Variants in LAMA2 observed in about 807,000 individuals in gnomAD.
LAMA2 encodes the protein laminin subunit alpha 2.
A neutral mutation model predicts 364.8 loss-of-function variants in LAMA2; 269 were observed. That is an observed-to-expected ratio of 0.74 (90% CI 0.67 to 0.82). The LOEUF (loss-of-function observed/expected upper bound fraction) is 0.82. LAMA2 is among the 40% of genes least tolerant of loss of function. The probability of loss-of-function intolerance (pLI) is 0.00; values close to 1 mark genes in which losing one functional copy is unlikely to be tolerated. For synonymous variants in LAMA2, 1,379 were observed against 1,370.6 expected (o/e 1.01, Z -0.14); for missense variants, 3,807 against 3,873.2 (o/e 0.98, Z 0.45).
chr6:129,330,549 G>T (rs943953657), intron 29 of LAMA2, among the ~76,000 whole-genome samples: 1 of 148,078 alleles, frequency 6.8e-6, no homozygotes, highest in Non-Finnish European at 1.5e-5. Context: ...AGTTTCTTGT[G>T]CCTCTCTGGT....
rs1778282859 is a variant in LAMA2, at chr6:129,144,047, C to T, written c.786C>T (p.Asp262=). 6.2e-7 allele frequency: 1 copy of T among 1,612,458 alleles called. No homozygotes were observed. The highest frequency in any genetic ancestry group is 1.1e-5 in the South Asian group (1 of 91,040). The part of the protein sequence containing the change: ...NADLMMFAHK[D]PREIDPIVTR... Reference sequence around the variant, plus strand: ...ACTTGATGATGTTTGCTCACAAAGACCCAAGAGAAATTGACCCCATTGTCA... The same window carrying T: ...ACTTGATGATGTTTGCTCACAAAGATCCAAGAGAAATTGACCCCATTGTCA... Residue 262 remains aspartate, a synonymous_variant, in exon 5 of 65, where the codon GAC becomes GAT. Transcript: ENST00000421865.
chr6:129,127,388 C>T (rs370311720), intron 4 of LAMA2, among the ~76,000 whole-genome samples: 1 of 152,142 alleles, frequency 6.6e-6, no homozygotes, highest in Non-Finnish European at 1.5e-5. Context: ...AGTATTTCAT[C>T]GTGTATGTGT....
At chr6:129,504,114 A>T (rs1395806169) in intron 60 of LAMA2, among the ~76,000 whole-genome samples, 1 of 152,250 alleles carries the variant, frequency 6.6e-6, no homozygotes. Flanking sequence ...TAATGTTAAC[A>T]TACTTTGACT....
intron 27 of LAMA2, 34 bp from the exon 28 acceptor site, chr6:129,320,504 C>A: frequency 8.2e-7 from 1 of 1,216,678 alleles, no homozygotes; most frequent in Non-Finnish European, 1.2e-6. Flanking sequence ...AACTGACTGT[C>A]ATAGTAATCT....
chr6:129,142,752 T>C (rs1562272427), intron 4 of LAMA2, among the ~76,000 whole-genome samples: 2 of 152,022 alleles, frequency 1.3e-5, no homozygotes, highest in African/African-American at 4.8e-5. Context: ...TCTACTCTCT[T>C]AGTCTAACCA....
At chr6:129,446,724 T>C (rs1782406740) in intron 45 of LAMA2, among the ~76,000 whole-genome samples, 1 of 152,076 alleles carries the variant, frequency 6.6e-6, no homozygotes, top group African/African-American at 2.4e-5. Flanking sequence ...AAAAGCCCTT[T>C]CTTAGTTCAT....
At chr6:129,192,971 A>G (rs1281532974) in intron 12 of LAMA2, 118 bp downstream of exon 12, 3 of 1,072,406 alleles carry the variant, frequency 2.8e-6, no homozygotes, top group African/African-American at 1.6e-5. Context: ...TTGGATTGCC[A>G]GAACCAGCTA....
At position 129,440,372 on chromosome 6, in the gene LAMA2, A is replaced by T. The variant is rs537994472; in HGVS notation, c.6086-444A>T. On this transcript the variant is annotated intron_variant, in intron 42 of 64. Transcript: ENST00000421865. ...CAATGCTGAAAACAAGTATAAATGC[A>T]TGGCCTAACATACCTGAAAATGTTT... Among the ~76,000 whole-genome samples the T allele has an allele frequency of 3.3e-5, 5 of 152,260 alleles. No homozygotes were observed. In the East Asian group the frequency reaches 9.7e-4, roughly 29 times the overall value.
chr6:128,932,471 C>A (rs997328478), intron 1 of LAMA2, among the ~76,000 whole-genome samples: 7 of 152,094 alleles, frequency 4.6e-5, no homozygotes, highest in African/African-American at 1.7e-4. Context: ...CAAGACAAGA[C>A]TTACATATAT....
intron 28 of LAMA2, among the ~76,000 whole-genome samples, chr6:129,327,089 A>G (rs1775349159): frequency 6.6e-6 from 1 of 152,080 alleles, no homozygotes; most frequent in Non-Finnish European, 1.5e-5. Context: ...TACTATTCTC[A>G]GTTTTATCAG....
intron 1 of LAMA2, among the ~76,000 whole-genome samples, chr6:128,986,182 A>G (rs1284518506): frequency 6.6e-6 from 1 of 152,104 alleles, no homozygotes; most frequent in Non-Finnish European, 1.5e-5. Flanking sequence ...TTTGGTTGGT[A>G]AGAGTGTCTT....
chr6:129,206,889 C>T (rs1274329664), intron 12 of LAMA2, among the ~76,000 whole-genome samples: 3 of 152,186 alleles, frequency 2.0e-5, no homozygotes, highest in Admixed American at 6.5e-5. Flanking sequence ...GTGCTTATCT[C>T]CTTGAGGCAC....
intron 3 of LAMA2, among the ~76,000 whole-genome samples, chr6:129,078,020 C>T (rs772868379): frequency 1.3e-5 from 2 of 151,978 alleles, no homozygotes; most frequent in Non-Finnish European, 1.5e-5. Flanking sequence ...GTAATTTTGA[C>T]GTGTCAATGT....
At chr6:129,200,705 G>C (rs555198457) in intron 12 of LAMA2, among the ~76,000 whole-genome samples, 2 of 151,866 alleles carry the variant, frequency 1.3e-5, no homozygotes, top group Admixed American at 1.3e-4. Context: ...TAATGACTAA[G>C]GCAAAATGCT....
chr6:129,270,496 G>A (rs971361863), intron 16 of LAMA2, 128 bp from the exon 17 acceptor site: 15 of 873,914 alleles, frequency 1.7e-5, no homozygotes, highest in Non-Finnish European at 1.9e-6. Context: ...CTGTAAAATT[G>A]ACCATTTAAC....
intron 1 of LAMA2, among the ~76,000 whole-genome samples, chr6:128,926,474 G>C (rs563711466): frequency 2.6e-5 from 4 of 152,136 alleles, no homozygotes; most frequent in Admixed American, 6.6e-5. Context: ...GTGAACCCAA[G>C]ATGAAGAGTT....
At chr6:129,484,835 A>C (rs896313591) in intron 55 of LAMA2, among the ~76,000 whole-genome samples, 2 of 152,130 alleles carry the variant, frequency 1.3e-5, no homozygotes, top group South Asian at 2.1e-4. Flanking sequence ...TTAGAAAGAA[A>C]CTCATAAGAG....
chr6:128,928,937 G>A (rs1779265971), intron 1 of LAMA2: 1 of 837,252 alleles, frequency 1.2e-6, no homozygotes, highest in Non-Finnish European at 2.0e-6. Context: ...ATACACAACA[G>A]ATAAGGGAGT....
chr6:129,508,386 A>G (rs1361115386), intron 62 of LAMA2, among the ~76,000 whole-genome samples: 2 of 151,080 alleles, frequency 1.3e-5, no homozygotes, highest in African/African-American at 2.4e-5. Flanking sequence ...CAATCTGATT[A>G]TACTCTTTTA....
Sources: allele counts gnomAD v4.1 joint callset (sites outside exome capture counted in the v4.1 genomes callset), GRCh38; gene constraint gnomAD v4.1.1; transcripts MANE v1.5; gene names NCBI Gene and HGNC (gene_info 2026-07-23, HGNC 2026-07-21).